Variants in GBP2 observed in about 807,000 individuals in gnomAD.
GBP2 encodes the protein guanylate binding protein 2, also known as guanylate-binding protein 2.
GBP2 carries 54 observed loss-of-function variants against 60.8 expected under a neutral mutation model. The observed-to-expected ratio is 0.89, with a 90% CI of 0.71 to 1.11. The LOEUF (loss-of-function observed/expected upper bound fraction) is 1.11. Ranked by LOEUF, GBP2 falls within the 50% of genes most tolerant of loss-of-function variation. The pLI is 0.00. For missense variants in GBP2, 665 were observed against 703.3 expected (o/e 0.95, Z 0.62); for synonymous variants, 243 against 256.5 (o/e 0.95, Z 0.50).
Position 89,121,761 on chromosome 1 carries a change from T to A in GBP2, c.190+16A>T. 6.2e-7 allele frequency: 1 copy of A among 1,612,572 alleles called. No homozygotes were observed. The highest frequency in any genetic ancestry group is 8.5e-7 in the Non-Finnish European group (1 of 1,178,946). On this transcript the variant is annotated intron_variant, in intron 2 of 10. Transcript: ENST00000370466. ...TACGGACAGAAGGGGCTTAGAGCTTTGCTGGTGTCACTCACCGTTTTTCTT... is the reference window on the plus strand; with the variant it reads ...TACGGACAGAAGGGGCTTAGAGCTTAGCTGGTGTCACTCACCGTTTTTCTT...
rs141557507 is a variant in GBP2 at position 89,125,570 on chromosome 1, A to ATT, written c.-18+292_-18+293insAA. Reference sequence around the variant, plus strand: ...TAGAGCTCTACAAGTGGCAATAATGAATGTGATGGAGCCCTAACTTTATTA... The same window carrying ATT: ...TAGAGCTCTACAAGTGGCAATAATGATTATGTGATGGAGCCCTAACTTTATTA... On this transcript the variant is annotated intron_variant, in intron 1 of 10. Transcript: ENST00000370466. Among the ~76,000 whole-genome samples, 1,102 of 152,322 alleles carry ATT rather than the reference A, an allele frequency of 7.2e-3. 13 individuals carry two copies. The highest frequency in any genetic ancestry group is 0.026 in the African/African-American group (1,066 of 41,548).
chr1:89,125,602 T>A (rs1011913690), intron 1 of GBP2, among the ~76,000 whole-genome samples: 2 of 152,210 alleles, frequency 1.3e-5, no homozygotes, highest in African/African-American at 4.8e-5. Context: ...ATTAAGCAGA[T>A]ACTAATAATG....
In GBP2 at chr1:89,110,260, C is replaced by G; in HGVS notation, c.1369G>C (p.Glu457Gln). Residue 457 changes from glutamate to glutamine, a missense_variant, in exon 9 of 11, where the codon GAG becomes CAG. Glu to Gln is a conservative substitution (Grantham distance 29, BLOSUM62 2). Coordinates refer to ENST00000370466, the MANE Select transcript of GBP2 (RefSeq NM_004120.5). ...GACTCCAAATATTTTTTCAGCACCTCTTTGGCCTGGTTATACAGAGAAAGG... is the reference window on the plus strand; with the variant it reads ...GACTCCAAATATTTTTTCAGCACCTGTTTGGCCTGGTTATACAGAGAAAGG... Reference protein sequence around the residue: ...QVPRKGIQAKEVLKKYLESKE... With the variant: ...QVPRKGIQAKQVLKKYLESKE... 6.2e-7 allele frequency: 1 copy of G among 1,612,650 alleles called. No individual in the cohort carries two copies. Among genetic ancestry groups the G allele is most frequent in the South Asian group, 1.1e-5 (1 of 91,046 alleles).
chr1:89,116,101 C>T (rs1681266329), intron 6 of GBP2, among the ~76,000 whole-genome samples: 1 of 152,094 alleles, frequency 6.6e-6, no homozygotes, highest in Admixed American at 6.5e-5. Flanking sequence ...CAACCTCTGC[C>T]TCCCAGGCTC....
chr1:89,123,105 G>A (rs537020869), intron 1 of GBP2, among the ~76,000 whole-genome samples: 3 of 152,236 alleles, frequency 2.0e-5, no homozygotes, highest in African/African-American at 4.8e-5. Context: ...TACTATGGAC[G>A]TGCTTCCATC....
At chr1:89,110,312 T>TC in intron 8 of GBP2, 46 bp from the exon 9 acceptor site, 2 of 1,440,604 alleles carry the variant, frequency 1.4e-6, no homozygotes, top group Non-Finnish European at 1.9e-6. Flanking sequence ...TGATTGTGGG[T>TC]TAGATCCAGC....
chr1:89,109,711 G>A lies in GBP2; in HGVS notation c.1625C>T (p.Ala542Val). ...AAGAGCGAGGGTCTTCTCTTGCTCT[G>A]CCATTAACTGGGCCCTGTCCCTCTC... ...KMERDRAQLM[A>V]EQEKTLALKL... Residue 542 changes from alanine (A) to valine (V), a missense_variant, in exon 10 of 11, where the codon GCA becomes GTA. Ala to Val is a moderately conservative substitution (Grantham distance 64). Transcript: ENST00000370466. 2 of 1,614,024 alleles carry A rather than the reference G, an allele frequency of 1.2e-6. No individual in the cohort carries two copies. The highest frequency in any genetic ancestry group is 8.5e-7 in the Non-Finnish European group (1 of 1,179,980).
At position 89,112,515 on chromosome 1, in the gene GBP2, T is replaced by G. The variant is rs1157446596; in HGVS notation, c.1319A>C (p.Glu440Ala). The G allele has an allele frequency of 4.3e-6, 7 of 1,614,188 alleles. No individual in the cohort carries two copies. In the East Asian group the frequency reaches 6.7e-5, roughly 15 times the overall value. The change falls in exon 8 of 11, where the codon GAG becomes GCG. Residue 440 changes from glutamate (E) to alanine (A), a missense_variant. Physicochemically the swap from Glu to Ala is moderately radical, Grantham distance 107. Transcript: ENST00000370466. ...CACCTGGTAGTACTTATTCTTCAGC[T>G]CCTGCAGCTTCTGAGTAAAGAGACG... Reference protein sequence around the residue: ...GYRLFTQKLQELKNKYYQVPR... With the variant: ...GYRLFTQKLQALKNKYYQVPR...
chr1:89,122,693 C>A (rs946605946), intron 1 of GBP2, among the ~76,000 whole-genome samples: 1 of 152,134 alleles, frequency 6.6e-6, no homozygotes, highest in Non-Finnish European at 1.5e-5. Flanking sequence ...GGTTTCTCTA[C>A]CACAAAGTGT....
chr1:89,108,262 G>C lies in GBP2; in HGVS notation c.1689C>G (p.Phe563Leu), dbSNP rs375772970. The C allele has an allele frequency of 1.9e-6, 3 of 1,612,420 alleles. No homozygotes were observed. The highest frequency in any genetic ancestry group is 2.5e-6 in the Non-Finnish European group (3 of 1,178,768). ...TTTGAAGTCTCTTGCTCTCATTCTC[G>C]AATCCCTCCTTGAGAAGGCGTTCCT... ...QEQERLLKEGFENESKRLQKD... is the reference protein window; with the variant it reads ...QEQERLLKEGLENESKRLQKD... Residue 563 changes from phenylalanine to leucine, a missense_variant, in exon 11 of 11, where the codon TTC (phenylalanine) becomes TTG (leucine). By Grantham distance (22) the Phe-to-Leu change is conservative (BLOSUM62 0). Transcript: ENST00000370466.
In GBP2 at chr1:89,117,014, A is replaced by T; in HGVS notation, c.846T>A (p.Gly282=). ...CACGAGGCCCATTGACTGGAATGCCACCTGAAAGAGTCTTGACATTGGAAT... is the reference window on the plus strand; with the variant it reads ...CACGAGGCCCATTGACTGGAATGCCTCCTGAAAGAGTCTTGACATTGGAAT... ...LSHSNVKTLS[G]GIPVNGPRLE... is the part of the protein sequence containing the mutation. Residue 282 remains glycine, a synonymous_variant, in exon 6 of 11, where the codon GGT becomes GGA. Coordinates refer to ENST00000370466, the MANE Select transcript of GBP2 (RefSeq NM_004120.5). 6.2e-7 allele frequency: 1 copy of T among 1,614,018 alleles called. No individual in the cohort carries two copies. The highest frequency in any genetic ancestry group is 8.5e-7 in the Non-Finnish European group (1 of 1,179,904).
chr1:89,109,865 G>A lies in GBP2; in HGVS notation c.1471C>T (p.Arg491Cys), dbSNP rs143545626. 100 of 1,608,192 alleles carry A rather than the reference G, an allele frequency of 6.2e-5. No individual in the cohort carries two copies. The African/African-American group carries it at 6.6e-4, about 11-fold the overall frequency. ...SEKEKAIEVE[R>C]IKAESAEAAK... ...GCTTCTGCAGATTCAGCCTTTATAC[G>A]TTCCACTGTGGAAGAAAAATAAGCA... The change falls in exon 10 of 11, where the codon CGT (arginine) becomes TGT (cysteine). Residue 491 changes from arginine to cysteine, a missense_variant. Physicochemically the swap from Arg to Cys is radical, Grantham distance 180 (BLOSUM62 -3). Coordinates refer to ENST00000370466, the MANE Select transcript of GBP2 (RefSeq NM_004120.5).
intron 1 of GBP2, among the ~76,000 whole-genome samples, chr1:89,124,125 T>A (rs1681464281): frequency 6.6e-6 from 1 of 152,222 alleles, no homozygotes; most frequent in South Asian, 2.1e-4. Flanking sequence ...ATTCAACCGT[T>A]CTTTTATGTA....
At chr1:89,121,734 T>C (rs1190877422) in intron 2 of GBP2, 43 bp downstream of exon 2, 5 of 1,591,358 alleles carry the variant, frequency 3.1e-6, no homozygotes, top group Non-Finnish European at 3.4e-6. Context: ...GTTCGCCGTG[T>C]GTACGGACAG....
chr1:89,112,801 G>C, intron 7 of GBP2, 117 bp from the exon 8 acceptor site: 1 of 716,116 alleles, frequency 1.4e-6, no homozygotes. Flanking sequence ...ATAGGGCCAT[G>C]CTCCTCACAT....
chr1:89,118,634 A>G (rs1409160599), intron 4 of GBP2: 2 of 152,228 alleles, frequency 1.3e-5, no homozygotes, highest in African/African-American at 4.8e-5. Context: ...CAAAACTAAT[A>G]CAAAAAGCAA....
chr1:89,111,151 C>T (rs904377062), intron 8 of GBP2, among the ~76,000 whole-genome samples: 2 of 152,100 alleles, frequency 1.3e-5, no homozygotes, highest in Admixed American at 1.3e-4. Flanking sequence ...GTGGAACATA[C>T]CCCAACATAA....
Position 89,121,889 on chromosome 1 carries a change from T to C in GBP2, c.78A>G (p.Glu26=), listed in dbSNP as rs1015053501. Residue 26 remains glutamate, a synonymous_variant, in exon 2 of 11, where the codon GAA becomes GAG. Transcript: ENST00000370466. ...TAATTGCAGATAGGATCTTCAGAGC[T>C]TCTGGATTCACCACCAGCTGCCCTT... ...NTKGQLVVNP[E]ALKILSAITQ... is the part of the protein sequence containing the mutation. The C allele has an allele frequency of 2.5e-6, 4 of 1,614,094 alleles. No individual in the cohort carries two copies. The African/African-American group carries it at 4.0e-5, about 16-fold the overall frequency.
chr1:89,107,751 G>T lies in GBP2; in HGVS notation c.*424C>A, dbSNP rs1681083149. ...TTTTCATCATATTCACAACACTTCA[G>T]CCCTATGCTACGACCATAGTTAAAT... On this transcript the variant is annotated 3_prime_UTR_variant, in exon 11 of 11. Coordinates refer to ENST00000370466, the MANE Select transcript of GBP2 (RefSeq NM_004120.5). Among the ~76,000 whole-genome samples, 1 of 152,110 alleles carries T rather than the reference G, an allele frequency of 6.6e-6. No homozygotes were observed. Among genetic ancestry groups the T allele is most frequent in the Non-Finnish European group, 1.5e-5 (1 of 68,026 alleles).
Sources: allele counts gnomAD v4.1 joint callset (sites outside exome capture counted in the v4.1 genomes callset), GRCh38; gene constraint gnomAD v4.1.1; transcripts MANE v1.5; gene names NCBI Gene and HGNC (gene_info 2026-07-23, HGNC 2026-07-21).